The following LIFR variants were observed in gnomAD, a reference collection of about 807,000 sequenced individuals.
LIFR encodes LIF receptor subunit alpha, also known as leukemia inhibitory factor receptor.
LIFR carries 84 observed loss-of-function variants against 122.2 expected under a neutral mutation model. The ratio of observed to expected loss-of-function variants is 0.69; its 90% confidence interval spans 0.58 to 0.82. LIFR has a LOEUF of 0.82. LIFR is among the 40% of genes least tolerant of loss of function. The pLI is 0.00. For synonymous variants in LIFR, 422 were observed against 434.7 expected (o/e 0.97, Z 0.36); for missense variants, 1,294 against 1,311.6 (o/e 0.99, Z 0.21).
chr5:38,518,738 T>G (rs1746240504), intron 5 of LIFR, among the ~76,000 whole-genome samples: 1 of 152,204 alleles, frequency 6.6e-6, no homozygotes, highest in Non-Finnish European at 1.5e-5. Flanking sequence ...CTACATGTTT[T>G]TAAAAGTTAA....
chr5:38,592,415 TG>T (rs1749950141), intron 1 of LIFR, among the ~76,000 whole-genome samples: 1 of 152,158 alleles, frequency 6.6e-6, no homozygotes, highest in African/African-American at 2.4e-5. Context: ...CCTAGCACTT[TG>T]GGAGCCTGAG....
intron 1 of LIFR, among the ~76,000 whole-genome samples, chr5:38,585,866 T>G (rs964178552): frequency 1.3e-5 from 2 of 152,156 alleles, no homozygotes; most frequent in African/African-American, 4.8e-5. Flanking sequence ...ATTATAGACT[T>G]GGAAGTTGCC....
intron 1 of LIFR, among the ~76,000 whole-genome samples, chr5:38,539,405 T>C (rs1197038862): frequency 6.6e-6 from 1 of 152,200 alleles, no homozygotes; most frequent in East Asian, 1.9e-4. Context: ...TTTTCCACTA[T>C]AAGCTAAGAT....
At chr5:38,570,455 A>G (rs1428990845) in intron 1 of LIFR, among the ~76,000 whole-genome samples, 7 of 152,154 alleles carry the variant, frequency 4.6e-5, no homozygotes, top group Admixed American at 4.6e-4. Flanking sequence ...GCATACCTTT[A>G]ATGAGTGAGG....
At chr5:38,548,442 T>C (rs1748013667) in intron 1 of LIFR, among the ~76,000 whole-genome samples, 2 of 152,228 alleles carry the variant, frequency 1.3e-5, no homozygotes, top group Non-Finnish European at 2.9e-5. Flanking sequence ...GAGAACTACT[T>C]GATACTTAAC....
At chr5:38,519,250 T>C (rs750809906) in intron 5 of LIFR, among the ~76,000 whole-genome samples, 9 of 152,228 alleles carry the variant, frequency 5.9e-5, no homozygotes, top group Non-Finnish European at 2.9e-5. Flanking sequence ...ATTCACTCAC[T>C]GACTCACCCA....
At chr5:38,523,722 T>C (rs1254184657) in intron 4 of LIFR, 140 bp from the exon 5 acceptor site, 2 of 698,726 alleles carry the variant, frequency 2.9e-6, no homozygotes, top group Admixed American at 5.6e-5. Context: ...AAGGAAACTC[T>C]AGAACCCAGT....
chr5:38,502,413 C>T (rs1745228141), intron 11 of LIFR, among the ~76,000 whole-genome samples: 1 of 152,084 alleles, frequency 6.6e-6, no homozygotes, highest in African/African-American at 2.4e-5. Context: ...GCATGCACCA[C>T]CATGCCCAGC....
At position 38,475,601 on chromosome 5, in the gene LIFR, T is replaced by C. The variant is rs1743687643; in HGVS notation, c.*5994A>G. On this transcript the variant is annotated 3_prime_UTR_variant, in exon 20 of 20. Transcript: ENST00000453190. Reference sequence around the variant, plus strand: ...TAAAAAACTTAAAATATTTAACATATAATACTCACTTTAAAAAAACATTCA... The same window carrying C: ...TAAAAAACTTAAAATATTTAACATACAATACTCACTTTAAAAAAACATTCA... The C allele has an allele frequency of 5.4e-6, 1 of 186,676 alleles. No homozygotes were observed. The highest frequency in any genetic ancestry group is 2.0e-4 in the South Asian group (1 of 5,118). 11.6% of individuals were successfully genotyped at this position (186,676 alleles called of 1,614,324 possible).
At chr5:38,487,956 C>T (rs1038531222) in intron 16 of LIFR, among the ~76,000 whole-genome samples, 2 of 152,206 alleles carry the variant, frequency 1.3e-5, no homozygotes, top group African/African-American at 4.8e-5. Context: ...GCCCCACTTC[C>T]ACCCACAAAT....
At chr5:38,486,003 T>C (rs1365669761) in intron 16 of LIFR, 23 bp from the exon 17 acceptor site, 1 of 1,600,038 alleles carries the variant, frequency 6.2e-7, no homozygotes, top group Non-Finnish European at 8.6e-7. Context: ...TGAAGTATGT[T>C]AGCACTAATC....
chr5:38,512,292 T>C (rs2731961), intron 5 of LIFR, among the ~76,000 whole-genome samples: 5,703 of 152,114 alleles, frequency 0.037, 369 homozygotes, highest in African/African-American at 0.13. Flanking sequence ...GATTGCATTA[T>C]ATACTTCTCA....
intron 5 of LIFR, among the ~76,000 whole-genome samples, chr5:38,518,772 C>A (rs1746241606): frequency 6.6e-6 from 1 of 152,100 alleles, no homozygotes; most frequent in African/African-American, 2.4e-5. Flanking sequence ...TCAGGCAGGT[C>A]CTTCAGGAGG....
At chr5:38,487,544 T>C (rs2112385648) in intron 16 of LIFR, among the ~76,000 whole-genome samples, 1 of 152,334 alleles carries the variant, frequency 6.6e-6, no homozygotes, top group African/African-American at 2.4e-5. Flanking sequence ...TTGCTGTGTA[T>C]TTAATGAATT....
chr5:38,523,530 G>A lies in LIFR; in HGVS notation c.450C>T (p.Thr150=), dbSNP rs371836020. 18 of 1,613,012 alleles carry A rather than the reference G, an allele frequency of 1.1e-5. No individual in the cohort carries two copies. Among genetic ancestry groups the A allele is most frequent in the East Asian group, 2.2e-5 (1 of 44,832 alleles). ...EILNLSADFS[T]STLYLKWNDR... is the part of the protein sequence containing the mutation. ...CGTTCCACTTTAGGTATAATGTAGA[G>A]GTTGAGAAATCAGCAGACAAATTCA... The change falls in exon 5 of 20, where the codon ACC becomes ACT. Residue 150 remains threonine (T), a synonymous_variant. Coordinates refer to ENST00000453190, the MANE Select transcript of LIFR (RefSeq NM_001127671.2).
At chr5:38,499,106 T>C (rs1372749929) in intron 12 of LIFR, among the ~76,000 whole-genome samples, 1 of 152,154 alleles carries the variant, frequency 6.6e-6, no homozygotes, top group Non-Finnish European at 1.5e-5. Flanking sequence ...ACTTTATAAC[T>C]GGCATGTTAT....
intron 1 of LIFR, among the ~76,000 whole-genome samples, chr5:38,568,629 G>A (rs1358441366): frequency 6.6e-6 from 1 of 152,196 alleles, no homozygotes. Flanking sequence ...GAGTGACCAT[G>A]CTGGCTAAGA....
intron 1 of LIFR, among the ~76,000 whole-genome samples, chr5:38,581,188 A>G (rs946118561): frequency 2.0e-4 from 30 of 152,150 alleles, no homozygotes; most frequent in African/African-American, 7.2e-4. Context: ...TGGTACTAGC[A>G]TCATTCCCCT....
chr5:38,506,013 A>G lies in LIFR; in HGVS notation c.1183T>C (p.Leu395=), dbSNP rs1745457582. The change falls in exon 9 of 20, where the codon TTA becomes CTA. Residue 395 remains leucine (L), a synonymous_variant. Coordinates refer to ENST00000453190, the MANE Select transcript of LIFR (RefSeq NM_001127671.2). The part of the protein sequence containing the change: ...AEAPTNESYQ[L]LFQMLPNQEI... ...TGATTTGGAAGCATTTGAAATAATA[A>G]TTGATAGCTTTCGTTTGTAGGTGCT... 3 of 1,608,550 alleles carry G rather than the reference A, an allele frequency of 1.9e-6. No individual in the cohort carries two copies. Among genetic ancestry groups the G allele is most frequent in the Non-Finnish European group, 2.6e-6 (3 of 1,176,364 alleles).
Sources: allele counts gnomAD v4.1 joint callset (sites outside exome capture counted in the v4.1 genomes callset), GRCh38; gene constraint gnomAD v4.1.1; transcripts MANE v1.5; gene names NCBI Gene and HGNC (gene_info 2026-07-23, HGNC 2026-07-21).